Variants in KLHL13 observed in about 807,000 individuals in gnomAD.
The protein encoded by KLHL13 is kelch-like protein 13.
In KLHL13, 10 loss-of-function variants were observed where a neutral mutation model predicts 37.1. The observed-to-expected ratio is 0.27, with a 90% CI of 0.17 to 0.46. KLHL13 has a LOEUF of 0.46. Ranked by LOEUF, KLHL13 falls within the 20% of genes least tolerant of loss-of-function variation. KLHL13 has a pLI of 1.00. For missense variants in KLHL13, 360 were observed against 509.3 expected (o/e 0.71, Z 2.82); for synonymous variants, 163 against 181.2 (o/e 0.90, Z 0.81).
chrX:117,928,109 T>C lies in KLHL13; in HGVS notation c.241-7739A>G, dbSNP rs140812685. 9.2e-3 allele frequency among the ~76,000 whole-genome samples: 1,036 copies of C among 112,069 alleles called. 17 individuals carry two copies. Among genetic ancestry groups the C allele is most frequent in the African/African-American group, 0.031 (962 of 30,852 alleles). ...AGCATAGTACCAAAAATTAATCAGG[T>C]AACTTCATAATAAAGGTCAGTTTAC... On this transcript the variant is annotated intron_variant, in intron 2 of 6. Transcript: ENST00000262820.
At chrX:118,086,433 T>C (rs1311626912) in intron 1 of KLHL13, among the ~76,000 whole-genome samples, 1 of 111,565 alleles carries the variant, frequency 9.0e-6, no homozygotes, top group Non-Finnish European at 1.9e-5. Flanking sequence ...CAGATCACTG[T>C]AATGGCAGCA....
chrX:118,091,021 C>T (rs1248140641), intron 1 of KLHL13, among the ~76,000 whole-genome samples: 9 of 105,280 alleles, frequency 8.5e-5, no homozygotes, highest in Non-Finnish European at 1.6e-4. Context: ...AGCAAACTAT[C>T]GCAAGGACAA....
chrX:118,098,928 G>A (rs1294348740), intron 1 of KLHL13, among the ~76,000 whole-genome samples: 1 of 78,478 alleles, frequency 1.3e-5, no homozygotes, highest in African/African-American at 4.9e-5. Flanking sequence ...ACTGTTGTGG[G>A]GTGGGGGAAG....
At chrX:118,094,242 T>C (rs757863240) in intron 1 of KLHL13, among the ~76,000 whole-genome samples, 1 of 111,152 alleles carries the variant, frequency 9.0e-6, no homozygotes, top group East Asian at 2.8e-4. Flanking sequence ...ATGTGACGAA[T>C]GCACAAGCCT....
At chrX:117,989,011 T>C (rs144780203) in intron 1 of KLHL13, among the ~76,000 whole-genome samples, 1,386 of 111,676 alleles carry the variant, frequency 0.012, 7 homozygotes, top group Middle Eastern at 0.023. Flanking sequence ...ATTTTTATCA[T>C]GTTAGTTTGG....
At chrX:117,979,507 C>A (rs2053635805) in intron 1 of KLHL13, among the ~76,000 whole-genome samples, 1 of 111,343 alleles carries the variant, frequency 9.0e-6, no homozygotes, top group African/African-American at 3.3e-5. Flanking sequence ...AGCACCATTC[C>A]TGGCCCGTTG....
chrX:118,032,876 C>A (rs189979693), intron 1 of KLHL13, among the ~76,000 whole-genome samples: 1 of 110,907 alleles, frequency 9.0e-6, no homozygotes, highest in East Asian at 2.8e-4. Context: ...CTAGAATAAC[C>A]AATATAGAGA....
chrX:117,954,234 C>A (rs895384915), intron 1 of KLHL13, among the ~76,000 whole-genome samples: 2 of 112,105 alleles, frequency 1.8e-5, no homozygotes, highest in Admixed American at 1.9e-4. Flanking sequence ...CTTTAGTGTC[C>A]CTTCATCTTT....
At chrX:117,973,213 A>C (rs1463961914) in exon 1 of KLHL13, 13 of 940,457 alleles carry the variant, frequency 1.4e-5, no homozygotes, top group Admixed American at 7.1e-5. Context: ...ATACTGCAGC[A>C]CTGTACTATA....
At chrX:117,960,316 A>C (rs1347763829) in intron 1 of KLHL13, among the ~76,000 whole-genome samples, 1 of 111,076 alleles carries the variant, frequency 9.0e-6, no homozygotes, top group African/African-American at 3.3e-5. Flanking sequence ...TGGTAACCAG[A>C]TCTGAGATCA....
chrX:118,068,713 C>A (rs1325286346), intron 1 of KLHL13, among the ~76,000 whole-genome samples: 1 of 111,592 alleles, frequency 9.0e-6, no homozygotes, highest in Admixed American at 9.5e-5. Flanking sequence ...GCCCACAGGG[C>A]TACTGCACTG....
At position 118,106,499 on chromosome X, in the gene KLHL13, C is replaced by G. The variant is rs961058387; in HGVS notation, c.-56+10009G>C. On this transcript the variant is annotated intron_variant, in intron 1 of 6. Coordinates refer to the KLHL13 transcript ENST00000371882. Reference sequence around the variant, plus strand: ...ATCATCAAATGATACTGAGAATGATCACTATTTATAAATGTAGACATCACT... The same window carrying G: ...ATCATCAAATGATACTGAGAATGATGACTATTTATAAATGTAGACATCACT... 2.7e-5 allele frequency among the ~76,000 whole-genome samples: 3 copies of G among 111,736 alleles called. No homozygotes were observed. In the Admixed American group the frequency reaches 2.9e-4, roughly 11 times the overall value.
chrX:118,029,510 G>A (rs922065089), intron 1 of KLHL13, among the ~76,000 whole-genome samples: 8 of 111,688 alleles, frequency 7.2e-5, no homozygotes, highest in Middle Eastern at 4.6e-3. Context: ...TAGTAATGCC[G>A]ATGTATAACA....
intron 2 of KLHL13, among the ~76,000 whole-genome samples, chrX:117,944,514 T>C (rs1482770447): frequency 8.9e-6 from 1 of 111,795 alleles, no homozygotes; most frequent in African/African-American, 3.2e-5. Context: ...ACAGCAAGTA[T>C]AAACCTTGTC....
intron 1 of KLHL13, among the ~76,000 whole-genome samples, chrX:118,064,095 T>C (rs1389589753): frequency 9.0e-6 from 1 of 111,662 alleles, no homozygotes; most frequent in Non-Finnish European, 1.9e-5. Context: ...AATTCACAAA[T>C]ATTTGAAGGA....
intron 1 of KLHL13, among the ~76,000 whole-genome samples, chrX:117,996,790 C>CAT (rs1224336025): frequency 9.6e-6 from 1 of 104,450 alleles, no homozygotes; most frequent in Non-Finnish European, 1.9e-5. Context: ...GTAGCACGCA[C>CAT]ATAATACTTC....
At chrX:117,989,190 A>C (rs1036297160) in intron 1 of KLHL13, among the ~76,000 whole-genome samples, 4 of 111,550 alleles carry the variant, frequency 3.6e-5, no homozygotes, top group Non-Finnish European at 5.7e-5. Context: ...ATTCCAAGTA[A>C]AAGAGTTTAT....
chrX:118,106,526 C>CTAATAAA (rs1260731577), intron 1 of KLHL13, among the ~76,000 whole-genome samples: 2 of 111,708 alleles, frequency 1.8e-5, no homozygotes, highest in African/African-American at 6.5e-5. Context: ...GACATCACTG[C>CTAATAAA]TAATAAATAA....
At chrX:117,918,105 G>A (rs1360253408) in intron 4 of KLHL13, among the ~76,000 whole-genome samples, 1 of 111,380 alleles carries the variant, frequency 9.0e-6, no homozygotes, top group Non-Finnish European at 1.9e-5. Context: ...AATAGCATGG[G>A]AATTAACCAA....
Sources: allele counts gnomAD v4.1 joint callset (sites outside exome capture counted in the v4.1 genomes callset), GRCh38; gene constraint gnomAD v4.1.1; transcripts MANE v1.5; gene names NCBI Gene and HGNC (gene_info 2026-07-23, HGNC 2026-07-21).